The following SLC26A8 variants were observed in gnomAD, a reference collection of about 807,000 sequenced individuals.
SLC26A8 encodes the protein solute carrier family 26 member 8, also known as testis anion transporter 1.
In SLC26A8, 70 loss-of-function variants were observed where a neutral mutation model predicts 105.0. The ratio of observed to expected loss-of-function variants is 0.67; its 90% confidence interval spans 0.55 to 0.81. The LOEUF is 0.81. Ranked by LOEUF, SLC26A8 falls within the 40% of genes least tolerant of loss-of-function variation. The probability of loss-of-function intolerance (pLI) is 0.00; values close to 1 mark genes in which losing one functional copy is unlikely to be tolerated. For synonymous variants in SLC26A8, 415 were observed against 438.3 expected (o/e 0.95, Z 0.66); for missense variants, 998 against 1,181.8 (o/e 0.84, Z 2.28).
intron 7 of SLC26A8, among the ~76,000 whole-genome samples, chr6:35,985,538 A>C (rs12527957): frequency 0.21 from 32,431 of 150,940 alleles, 4,282 homozygotes; most frequent in Non-Finnish European, 0.3. Context: ...ACTAAAAATA[A>C]AAAAATTAGC....
intron 5 of SLC26A8, among the ~76,000 whole-genome samples, chr6:35,994,440 A>G (rs989528372): frequency 1.3e-5 from 2 of 151,684 alleles, no homozygotes; most frequent in African/African-American, 2.4e-5. Context: ...ATCTCCTGTC[A>G]TTGCCGCCCA....
Position 36,024,569 on chromosome 6 carries a change from G to A in SLC26A8, c.-68C>T. On this transcript the variant is annotated 5_prime_UTR_variant, in exon 1 of 20. Transcript: ENST00000490799. Reference sequence around the variant, plus strand: ...CCACACGGCTCTCGCCTGGCTGGCGGCGCTGCGGACGCGGATACCGGCGGC... The same window carrying A: ...CCACACGGCTCTCGCCTGGCTGGCGACGCTGCGGACGCGGATACCGGCGGC... The A allele has an allele frequency of 2.7e-6, 1 of 376,750 alleles. No individual in the cohort carries two copies. The highest frequency in any genetic ancestry group is 2.0e-5 in the South Asian group (1 of 51,268). The allele number at this position is 376,750 out of a possible 1,614,324, so 23.3% of individuals were successfully genotyped here. A position where few individuals can be genotyped will look rare whatever the true frequency, so the allele number is the denominator to read the frequency against.
intron 7 of SLC26A8, chr6:35,990,289 T>C: frequency 3.5e-6 from 1 of 283,502 alleles, no homozygotes; most frequent in Non-Finnish European, 6.8e-6. Context: ...ATGTCCATTT[T>C]TGAGGCCATT....
chr6:35,965,509 G>T (rs566924327), intron 11 of SLC26A8, among the ~76,000 whole-genome samples: 2 of 151,276 alleles, frequency 1.3e-5, no homozygotes, highest in African/African-American at 4.9e-5. Context: ...GAGAAACCCC[G>T]TCTCTACTAA....
Position 35,993,156 on chromosome 6 carries a change from A to AT in SLC26A8, c.628-483dup, listed in dbSNP as rs70975122. Among the ~76,000 whole-genome samples, 155 of 87,540 alleles carry AT rather than the reference A, an allele frequency of 1.8e-3. 1 individual carries two copies. Among genetic ancestry groups the AT allele is most frequent in the African/African-American group, 6.3e-3 (148 of 23,336 alleles). 57.4% of individuals were successfully genotyped at this position (87,540 alleles called of 152,430 possible). A position where few individuals can be genotyped will look rare whatever the true frequency, so the allele number is the denominator to read the frequency against. On this transcript the variant is annotated intron_variant, in intron 5 of 19. Transcript: ENST00000490799. ...GGGACTACAGATGCTCACACTGGGC[A>AT]TTTTTTTTTTTTTTTTTTTTGATAG...
intron 1 of SLC26A8, among the ~76,000 whole-genome samples, chr6:36,021,350 A>G (rs1203586810): frequency 6.7e-6 from 1 of 149,440 alleles, no homozygotes; most frequent in Non-Finnish European, 1.5e-5. Context: ...TTCCCCACCC[A>G]TAGGAATACA....
rs1016107302 is a variant in SLC26A8 at position 35,960,770 on chromosome 6, T to C, written c.1638+73A>G. ...CAGGAAACAATGGCAAGGGATTTTG[T>C]AGAAAAACTAAGCATGAGGTGGGGC... On this transcript the variant is annotated intron_variant, in intron 14 of 19. Transcript: ENST00000490799. 12 of 1,422,710 alleles carry C rather than the reference T, an allele frequency of 8.4e-6. No homozygotes were observed. In the African/African-American group the frequency reaches 1.7e-4, roughly 20 times the overall value. 88.1% of individuals were successfully genotyped at this position (1,422,710 alleles called of 1,614,324 possible).
At chr6:35,985,692 CAAAAAAAAAA>C (rs58199602) in intron 7 of SLC26A8, among the ~76,000 whole-genome samples, 10 of 46,920 alleles carry the variant, frequency 2.1e-4, no homozygotes, top group Non-Finnish European at 2.8e-4. Context: ...GACTCCGTCT[CAAAAAAAAAA>C]AAAAAAAAAA....
chr6:35,965,642 A>T (rs545135201), intron 11 of SLC26A8, among the ~76,000 whole-genome samples: 11 of 147,934 alleles, frequency 7.4e-5, no homozygotes, highest in African/African-American at 2.2e-4. Flanking sequence ...AGATTGCGCC[A>T]TTGCACTCCA....
Sources: allele counts gnomAD v4.1 joint callset (sites outside exome capture counted in the v4.1 genomes callset), GRCh38; gene constraint gnomAD v4.1.1; transcripts MANE v1.5; gene names NCBI Gene and HGNC (gene_info 2026-07-23, HGNC 2026-07-21).